The following DSCC1 variants were observed in gnomAD, a reference collection of about 807,000 sequenced individuals.
The protein encoded by DSCC1 is sister chromatid cohesion protein DCC1.
DSCC1 carries 32 observed loss-of-function variants against 48.2 expected under a neutral mutation model. That is an observed-to-expected ratio of 0.66 (90% CI 0.50 to 0.89). The LOEUF is 0.89. Among genes scored for constraint, DSCC1 ranks in the 40% least tolerant of loss-of-function variants. DSCC1 has a pLI of 0.00. For synonymous variants in DSCC1, 150 were observed against 171.5 expected (o/e 0.87, Z 0.98); for missense variants, 421 against 471.7 (o/e 0.89, Z 1.00).
At position 119,852,039 on chromosome 8, in the gene DSCC1, G is replaced by C. The variant is rs555976472; in HGVS notation, c.351+1008C>G. Among the ~76,000 whole-genome samples the C allele has an allele frequency of 2.0e-5, 3 of 152,276 alleles. No individual in the cohort carries two copies. The South Asian group carries it at 6.2e-4, about 32-fold the overall frequency. ...CAAAAACCAACCTAGTATATTTACT[G>C]GATGTTCCTCTATTCTAGTAACATC... On this transcript the variant is annotated intron_variant, in intron 2 of 8. Coordinates refer to ENST00000313655, the MANE Select transcript of DSCC1 (RefSeq NM_024094.3).
At chr8:119,837,220 C>T (rs1826698538) in intron 8 of DSCC1, among the ~76,000 whole-genome samples, 1 of 152,076 alleles carries the variant, frequency 6.6e-6, no homozygotes, top group Non-Finnish European at 1.5e-5. Flanking sequence ...AAGAGGGAGA[C>T]ATTAATAACT....
chr8:119,852,832 GA>G, intron 2 of DSCC1: 2 of 418,228 alleles, frequency 4.8e-6, no homozygotes, highest in East Asian at 7.6e-5. Context: ...ATTGGGACTT[GA>G]AAATCAAAAC....
intron 4 of DSCC1, among the ~76,000 whole-genome samples, chr8:119,845,226 T>C (rs1826838969): frequency 6.6e-6 from 1 of 152,006 alleles, no homozygotes; most frequent in Non-Finnish European, 1.5e-5. Context: ...GCTGGGACTA[T>C]AGGCATGCGC....
chr8:119,841,325 G>A (rs529941808), intron 7 of DSCC1, among the ~76,000 whole-genome samples: 7 of 152,258 alleles, frequency 4.6e-5, no homozygotes, highest in South Asian at 4.1e-4. Flanking sequence ...TTCTAGTAGC[G>A]TCACAGAGAA....
intron 3 of DSCC1, among the ~76,000 whole-genome samples, chr8:119,849,581 G>C (rs1017994081): frequency 6.6e-6 from 1 of 152,188 alleles, no homozygotes; most frequent in Non-Finnish European, 1.5e-5. Context: ...TGGTAGCCTA[G>C]GGGAAAGGGG....
chr8:119,847,133 A>G, intron 3 of DSCC1, 53 bp from the exon 4 acceptor site: 2 of 1,484,662 alleles, frequency 1.3e-6, no homozygotes, highest in Non-Finnish European at 1.8e-6. Context: ...TTGTTTTTAG[A>G]TTTCTTGCTG....
At chr8:119,848,228 G>C (rs563776759) in intron 3 of DSCC1, among the ~76,000 whole-genome samples, 1 of 152,204 alleles carries the variant, frequency 6.6e-6, no homozygotes, top group African/African-American at 2.4e-5. Context: ...CTCCTAAATT[G>C]CTGGGATTAC....
rs1015475813 is a variant in DSCC1 at position 119,851,547 on chromosome 8, T to G, written c.352-1031A>C. Among the ~76,000 whole-genome samples the G allele has an allele frequency of 6.4e-4, 97 of 152,136 alleles. 1 individual carries two copies. The highest frequency in any genetic ancestry group is 2.9e-4 in the Non-Finnish European group (20 of 68,032). ...TAGTGTTTCAATTAGATGCCAACAT[T>G]TAAAAAATTAGGAGATTTCACCCCA... On this transcript the variant is annotated intron_variant, in intron 2 of 8. Coordinates refer to ENST00000313655, the MANE Select transcript of DSCC1 (RefSeq NM_024094.3).
At chr8:119,850,640 T>C in intron 2 of DSCC1, 124 bp from the exon 3 acceptor site, 3 of 824,440 alleles carry the variant, frequency 3.6e-6, no homozygotes, top group Non-Finnish European at 5.2e-6. Context: ...TTCTGCTTTG[T>C]ATCAGGAAGG....
intron 7 of DSCC1, among the ~76,000 whole-genome samples, chr8:119,840,858 G>A (rs1826757375): frequency 6.6e-6 from 1 of 151,762 alleles, no homozygotes; most frequent in African/African-American, 2.4e-5. Context: ...GTTGCAGTGA[G>A]CCGAGATTGA....
chr8:119,837,408 T>C (rs560950903), intron 8 of DSCC1, among the ~76,000 whole-genome samples: 6 of 152,296 alleles, frequency 3.9e-5, no homozygotes, highest in African/African-American at 1.2e-4. Context: ...AGAAGGTTGT[T>C]CTGGCCTCAC....
At chr8:119,837,236 G>A (rs780591776) in intron 8 of DSCC1, among the ~76,000 whole-genome samples, 3 of 152,166 alleles carry the variant, frequency 2.0e-5, no homozygotes, top group Non-Finnish European at 4.4e-5. Context: ...TAACTCAAGG[G>A]ATGAAAGGGA....
At chr8:119,847,315 C>A (rs936498205) in intron 3 of DSCC1, among the ~76,000 whole-genome samples, 4 of 151,998 alleles carry the variant, frequency 2.6e-5, no homozygotes, top group Admixed American at 2.0e-4. Flanking sequence ...AAATATGACA[C>A]CAAAAACCCA....
chr8:119,835,292 G>A (rs1826663100), intron 8 of DSCC1, among the ~76,000 whole-genome samples: 1 of 152,122 alleles, frequency 6.6e-6, no homozygotes, highest in Non-Finnish European at 1.5e-5. Flanking sequence ...AGATCACAAG[G>A]TCAGGAGTTG....
chr8:119,841,620 T>C (rs918214555), intron 7 of DSCC1, among the ~76,000 whole-genome samples, 174 bp downstream of exon 7: 1 of 152,196 alleles, frequency 6.6e-6, no homozygotes. Context: ...ATATGTAAAT[T>C]ATACCCCAAT....
At chr8:119,850,801 ATGACAGGATGG>A (rs922666279) in intron 2 of DSCC1, among the ~76,000 whole-genome samples, 1 of 152,226 alleles carries the variant, frequency 6.6e-6, no homozygotes, top group African/African-American at 2.4e-5. Context: ...CCCAGAAAAA[ATGACAGGATGG>A]TGACAATTCT....
chr8:119,853,831 T>G (rs1175429652), intron 1 of DSCC1, among the ~76,000 whole-genome samples: 1 of 152,082 alleles, frequency 6.6e-6, no homozygotes, highest in Non-Finnish European at 1.5e-5. Context: ...TGGGACCTTA[T>G]GAAAAAAAGG....
chr8:119,855,524 C>CT (rs1586585800), intron 1 of DSCC1, 90 bp downstream of exon 1: 3 of 1,470,372 alleles, frequency 2.0e-6, no homozygotes, highest in Non-Finnish European at 2.7e-6. Context: ...CAGTGCATCT[C>CT]TCTGGCCCTG....
chr8:119,835,145 G>T, intron 8 of DSCC1, 144 bp from the exon 9 acceptor site: 1 of 584,616 alleles, frequency 1.7e-6, no homozygotes, highest in Non-Finnish European at 2.9e-6. Context: ...GAGATAGGGT[G>T]GGGAGTGGTT....
Sources: gnomAD v4.1 joint callset for allele counts (sites outside exome capture counted in the v4.1 genomes callset) on GRCh38, gnomAD v4.1.1 for gene constraint, MANE v1.5 for transcripts, NCBI Gene and HGNC (gene_info 2026-07-23, HGNC 2026-07-21) for gene names.